The following SAMD5 variants were observed in gnomAD, a reference collection of about 807,000 sequenced individuals.
The protein encoded by SAMD5 is sterile alpha motif domain containing 5.
A neutral mutation model predicts 11.3 loss-of-function variants in SAMD5; 13 were observed. The observed-to-expected ratio is 1.15, with a 90% confidence interval of 0.75 to 1.83. SAMD5 has a LOEUF of 1.83. Among genes scored for constraint, SAMD5 ranks in the 40% most tolerant of loss-of-function variants. The pLI, the probability that SAMD5 is intolerant of heterozygous loss-of-function variation, is 0.00. For synonymous variants in SAMD5, 129 were observed against 111.3 expected (o/e 1.16, Z -1.00); for missense variants, 255 against 239.1 (o/e 1.07, Z -0.44).
intron 1 of SAMD5, among the ~76,000 whole-genome samples, chr6:147,665,726 T>G (rs1190068231): frequency 6.6e-6 from 1 of 152,222 alleles, no homozygotes; most frequent in Non-Finnish European, 1.5e-5. Flanking sequence ...GATACCATCT[T>G]TCAATGAAGG....
chr6:147,877,923 C>CTAGCTAGCTAGA, the SAMD5 span, among the ~76,000 whole-genome samples: 5 of 122,370 alleles, frequency 4.1e-5, no homozygotes, highest in Non-Finnish European at 7.0e-5. Flanking sequence ...AGCTAGCTAG[C>CTAGCTAGCTAGA]TAGATAGATA....
intron 1 of SAMD5, among the ~76,000 whole-genome samples, chr6:147,710,832 G>A (rs776746744): frequency 2.6e-5 from 4 of 152,036 alleles, no homozygotes; most frequent in African/African-American, 4.8e-5. Context: ...CTGGATAAGG[G>A]GGACTACTAT....
chr6:147,914,354 C>G, the SAMD5 span, among the ~76,000 whole-genome samples: 1 of 152,010 alleles, frequency 6.6e-6, no homozygotes, highest in East Asian at 1.9e-4. Context: ...ACGACAACAA[C>G]AAGATAACCA....
At chr6:147,627,420 G>A (rs1287569896) in intron 1 of SAMD5, among the ~76,000 whole-genome samples, 1 of 152,170 alleles carries the variant, frequency 6.6e-6, no homozygotes, top group Non-Finnish European at 1.5e-5. Flanking sequence ...GGTTTGACAG[G>A]AAAGTGAATC....
chr6:147,850,085 AT>A, the SAMD5 span, among the ~76,000 whole-genome samples: 2 of 152,168 alleles, frequency 1.3e-5, no homozygotes, highest in Non-Finnish European at 2.9e-5. Flanking sequence ...GCATTCCTTT[AT>A]TTTTATATAA....
intron 1 of SAMD5, among the ~76,000 whole-genome samples, chr6:147,559,329 C>T (rs954371909): frequency 6.6e-6 from 1 of 152,182 alleles, no homozygotes; most frequent in Non-Finnish European, 1.5e-5. Flanking sequence ...ATTATAAAAT[C>T]GGTTAATGCC....
chr6:147,738,475 A>G (rs188897779), downstream of SAMD5, among the ~76,000 whole-genome samples: 9 of 152,376 alleles, frequency 5.9e-5, no homozygotes, highest in African/African-American at 1.9e-4. Context: ...GTTTCAAAGT[A>G]TGTTTCAAGG....
chr6:147,578,614 A>G (rs1789251382), intron 1 of SAMD5, among the ~76,000 whole-genome samples: 1 of 152,210 alleles, frequency 6.6e-6, no homozygotes, highest in African/African-American at 2.4e-5. Flanking sequence ...AATTGATTAT[A>G]GTAGACATGG....
At chr6:147,717,802 G>A (rs1411462563) in intron 1 of SAMD5, among the ~76,000 whole-genome samples, 1 of 152,058 alleles carries the variant, frequency 6.6e-6, no homozygotes, top group African/African-American at 2.4e-5. Flanking sequence ...AGTGAGCCGA[G>A]ATTGCACCAC....
At chr6:147,842,974 C>A in the SAMD5 span, among the ~76,000 whole-genome samples, 7 of 152,284 alleles carry the variant, frequency 4.6e-5, no homozygotes, top group African/African-American at 1.4e-4. Context: ...ATTCTCCCAC[C>A]TCAGCCTCTC....
chr6:147,642,035 T>A (rs1383421087), intron 1 of SAMD5, among the ~76,000 whole-genome samples: 1 of 152,208 alleles, frequency 6.6e-6, no homozygotes, highest in Admixed American at 6.5e-5. Context: ...CCAGAAGTAA[T>A]GAATTATACC....
chr6:147,625,588 A>G (rs989038159), intron 1 of SAMD5, among the ~76,000 whole-genome samples: 2 of 152,214 alleles, frequency 1.3e-5, no homozygotes, highest in African/African-American at 2.4e-5. Context: ...TACCTAATCC[A>G]GCTTTCCTCA....
At chr6:147,706,117 T>C (rs976619019) in intron 1 of SAMD5, among the ~76,000 whole-genome samples, 6 of 152,218 alleles carry the variant, frequency 3.9e-5, no homozygotes, top group African/African-American at 9.6e-5. Context: ...GTGTGTTGTG[T>C]GTGTGTGTTT....
At chr6:147,641,500 G>T (rs1464440077) in intron 1 of SAMD5, among the ~76,000 whole-genome samples, 1 of 151,922 alleles carries the variant, frequency 6.6e-6, no homozygotes, top group East Asian at 1.9e-4. Flanking sequence ...CATTTTGCAT[G>T]TCAGGACAAC....
At chr6:147,658,852 C>T (rs1790606859) in intron 1 of SAMD5, among the ~76,000 whole-genome samples, 1 of 152,150 alleles carries the variant, frequency 6.6e-6, no homozygotes, top group Non-Finnish European at 1.5e-5. Flanking sequence ...TCTGGGGACA[C>T]ATTGTGCTAA....
intron 1 of SAMD5, among the ~76,000 whole-genome samples, chr6:147,590,528 T>C (rs1303731695): frequency 1.3e-5 from 2 of 152,138 alleles, no homozygotes; most frequent in Non-Finnish European, 2.9e-5. Context: ...TCCTCCCACC[T>C]CGGCCTCCTG....
the SAMD5 span, among the ~76,000 whole-genome samples, chr6:147,934,600 A>T: frequency 5.3e-5 from 8 of 152,200 alleles, no homozygotes; most frequent in African/African-American, 1.4e-4. Context: ...GGGAGGACTG[A>T]TGGGAAGTCC....
chr6:147,942,423 C>T, the SAMD5 span, among the ~76,000 whole-genome samples: 4 of 152,204 alleles, frequency 2.6e-5, no homozygotes, highest in African/African-American at 4.8e-5. Flanking sequence ...ATGTCCTATT[C>T]GACTTGAACT....
Position 147,548,028 on chromosome 6 carries a change from G to C in SAMD5, c.460-16366G>C, listed in dbSNP as rs929993069. On this transcript the variant is annotated intron_variant, in intron 1 of 1. Coordinates refer to ENST00000367474, the MANE Select transcript of SAMD5 (RefSeq NM_001030060.3). Reference sequence around the variant, plus strand: ...AAGAGCAACTTAATTTAGGTAATGGGCATATAGAATAGTTTACTTCCTTGA... The same window carrying C: ...AAGAGCAACTTAATTTAGGTAATGGCCATATAGAATAGTTTACTTCCTTGA... Among the ~76,000 whole-genome samples the C allele has an allele frequency of 3.9e-4, 60 of 152,246 alleles. 1 individual carries two copies. Among genetic ancestry groups the C allele is most frequent in the African/African-American group, 1.4e-3 (58 of 41,538 alleles).
Sources: allele counts gnomAD v4.1 joint callset (sites outside exome capture counted in the v4.1 genomes callset), GRCh38; gene constraint gnomAD v4.1.1; transcripts MANE v1.5; gene names NCBI Gene and HGNC (gene_info 2026-07-23, HGNC 2026-07-21).